CRIM1: variants seen among roughly 807,000 people sequenced by gnomAD.
The protein encoded by CRIM1 is cysteine-rich motor neuron 1 protein.
In CRIM1, 32 loss-of-function variants were observed where a neutral mutation model predicts 116.4. The ratio of observed to expected loss-of-function variants is 0.27; its 90% CI spans 0.21 to 0.37. CRIM1 has a LOEUF of 0.37. CRIM1 is among the 10% of genes least tolerant of loss of function. The probability of loss-of-function intolerance (pLI) is 1.00; values close to 1 mark genes in which losing one functional copy is unlikely to be tolerated. For missense variants in CRIM1, 1,331 were observed against 1,354.8 expected (o/e 0.98, Z 0.28); for synonymous variants, 590 against 509.2 (o/e 1.16, Z -2.13).
intron 8 of CRIM1, among the ~76,000 whole-genome samples, chr2:36,508,306 T>C (rs1026668092): frequency 3.3e-5 from 5 of 152,228 alleles, no homozygotes; most frequent in Admixed American, 6.5e-5. Context: ...AAATTAAATA[T>C]GCAAATATTG....
intron 2 of CRIM1, among the ~76,000 whole-genome samples, chr2:36,413,498 A>G (rs904878498): frequency 6.6e-5 from 10 of 152,192 alleles, no homozygotes; most frequent in Admixed American, 2.6e-4. Flanking sequence ...GCCAAAAGCA[A>G]TATGTTTCTT....
intron 13 of CRIM1, among the ~76,000 whole-genome samples, chr2:36,531,197 C>G (rs974244638): frequency 6.6e-6 from 1 of 152,198 alleles, no homozygotes; most frequent in African/African-American, 2.4e-5. Context: ...GCCTGACTTC[C>G]TCCCAGGAGG....
At chr2:36,516,098 C>G (rs1665014911) in intron 11 of CRIM1, among the ~76,000 whole-genome samples, 1 of 152,168 alleles carries the variant, frequency 6.6e-6, no homozygotes, top group Non-Finnish European at 1.5e-5. Context: ...TTGTAATTCC[C>G]TTGAGATAAA....
At chr2:36,428,481 C>T (rs1674627268) in intron 2 of CRIM1, among the ~76,000 whole-genome samples, 1 of 152,172 alleles carries the variant, frequency 6.6e-6, no homozygotes, top group African/African-American at 2.4e-5. Context: ...AAATTCTGAG[C>T]TATAGAATAC....
intron 2 of CRIM1, among the ~76,000 whole-genome samples, chr2:36,434,309 C>G (rs962883094): frequency 6.6e-6 from 1 of 152,226 alleles, no homozygotes; most frequent in African/African-American, 2.4e-5. Flanking sequence ...GCTAAAGACA[C>G]TGAACCTCTT....
At chr2:36,442,868 T>C (rs3732073) in intron 4 of CRIM1, 133 bp downstream of exon 4, 346,115 of 1,029,746 alleles carry the variant, frequency 0.34, 60,913 homozygotes, top group South Asian at 0.5. Context: ...ATCACTGAAC[T>C]GTTTGCATTA....
At chr2:36,389,299 G>T (rs891689393) in intron 1 of CRIM1, among the ~76,000 whole-genome samples, 35 of 152,038 alleles carry the variant, frequency 2.3e-4, no homozygotes, top group Admixed American at 2.0e-3. Context: ...ATTCCTCCTC[G>T]AGCAGAACGG....
In CRIM1 at chr2:36,526,180, A is replaced by G. The variant is rs190173112; in HGVS notation, c.2428+3867A>G. 2.6e-3 allele frequency among the ~76,000 whole-genome samples: 391 copies of G among 150,944 alleles called. 5 individuals carry two copies. The highest frequency in any genetic ancestry group is 9.5e-3 in the African/African-American group (383 of 40,366). ...TTAATGGAACATCTTCTGATTCCCT[A>G]ATTTTTTTTTGTACTCTGGTTTTCT... is the stretch of plus-strand genomic sequence containing the variant. On this transcript the variant is annotated intron_variant, in intron 13 of 16. Transcript: ENST00000280527.
At chr2:36,482,480 T>C (rs1679495941) in intron 7 of CRIM1, among the ~76,000 whole-genome samples, 1 of 152,224 alleles carries the variant, frequency 6.6e-6, no homozygotes, top group Admixed American at 6.5e-5. Flanking sequence ...AGAAAGTCTC[T>C]GGGATCATTT....
At chr2:36,460,972 G>A (rs1677536522) in intron 4 of CRIM1, among the ~76,000 whole-genome samples, 1 of 152,172 alleles carries the variant, frequency 6.6e-6, no homozygotes, top group Non-Finnish European at 1.5e-5. Context: ...GCAAAGTGCG[G>A]ACTTATTTGG....
intron 1 of CRIM1, among the ~76,000 whole-genome samples, chr2:36,372,329 C>T (rs187324046): frequency 6.5e-4 from 99 of 152,264 alleles, no homozygotes; most frequent in African/African-American, 2.3e-3. Flanking sequence ...TGATTAGTGG[C>T]TGGAGCCCCA....
At chr2:36,481,189 A>C (rs969270038) in intron 7 of CRIM1, among the ~76,000 whole-genome samples, 3 of 152,252 alleles carry the variant, frequency 2.0e-5, no homozygotes, top group African/African-American at 7.2e-5. Flanking sequence ...CTGGAAGTAA[A>C]TGAAAGGAAG....
intron 2 of CRIM1, among the ~76,000 whole-genome samples, chr2:36,430,658 C>A (rs959055209): frequency 3.9e-5 from 6 of 152,070 alleles, no homozygotes; most frequent in African/African-American, 1.4e-4. Flanking sequence ...TTGCTGGAGC[C>A]GAAGGAATGG....
At chr2:36,450,753 A>G (rs377538298) in intron 4 of CRIM1, among the ~76,000 whole-genome samples, 12 of 152,338 alleles carry the variant, frequency 7.9e-5, no homozygotes, top group South Asian at 2.1e-4. Context: ...AAGGTCATCA[A>G]TGTCGTTTGC....
At chr2:36,498,689 A>G (rs904293219) in intron 7 of CRIM1, among the ~76,000 whole-genome samples, 1 of 152,142 alleles carries the variant, frequency 6.6e-6, no homozygotes, top group Admixed American at 6.5e-5. Context: ...ATCATCTACC[A>G]TAAGTGAGGG....
chr2:36,431,311 A>C (rs1441543685), intron 2 of CRIM1, among the ~76,000 whole-genome samples: 1 of 152,220 alleles, frequency 6.6e-6, no homozygotes, highest in African/African-American at 2.4e-5. Context: ...CATAATATGA[A>C]AAAGTATATA....
Position 36,442,729 on chromosome 2 carries a change from C to T in CRIM1, c.863C>T (p.Pro288Leu), listed in dbSNP as rs1009466683. The T allele has an allele frequency of 2.5e-6, 4 of 1,614,102 alleles. No individual in the cohort carries two copies. ...RLTADGCCTL[P>L]TRCECLSGLC... is the part of the protein sequence containing the mutation. The stretch of plus-strand genomic sequence containing the variant: ...ACTGCAGATGGTTGCTGTACTTTGC[C>T]AACAAGGTTAGTTTGCCATTAGTTT... Residue 288 changes from proline (P) to leucine (L), a missense_variant, in exon 4 of 17, where the codon CCA (proline) becomes CTA (leucine). Pro to Leu is a moderately conservative substitution (Grantham distance 98). Coordinates refer to ENST00000280527, the MANE Select transcript of CRIM1 (RefSeq NM_016441.3).
rs746702373 is a variant in CRIM1, at chr2:36,441,480, A to T, written c.728A>T (p.Asp243Val). 6 of 1,611,714 alleles carry T rather than the reference A, an allele frequency of 3.7e-6. No homozygotes were observed. In the Admixed American group the frequency reaches 1.0e-4, roughly 27 times the overall value. The change falls in exon 3 of 17, where the codon GAC becomes GTC. Residue 243 changes from aspartate to valine, a missense_variant. By Grantham distance (152) the Asp-to-Val change is radical. Coordinates refer to ENST00000280527, the MANE Select transcript of CRIM1 (RefSeq NM_016441.3). ...KASGKPGECCDLYECKPVFGV... is the reference protein window; with the variant it reads ...KASGKPGECCVLYECKPVFGV... Reference sequence around the variant, plus strand: ...TCAGGGAAGCCGGGAGAGTGCTGTGACCTCTATGAGTGCAAACCAGGTATG... The same window carrying T: ...TCAGGGAAGCCGGGAGAGTGCTGTGTCCTCTATGAGTGCAAACCAGGTATG...
intron 2 of CRIM1, among the ~76,000 whole-genome samples, chr2:36,424,019 G>A (rs1057167047): frequency 1.3e-5 from 2 of 152,144 alleles, no homozygotes; most frequent in African/African-American, 4.8e-5. Flanking sequence ...TTTAAGAATA[G>A]TAGAAGGTGT....
Sources: allele counts gnomAD v4.1 joint callset (sites outside exome capture counted in the v4.1 genomes callset), GRCh38; gene constraint gnomAD v4.1.1; transcripts MANE v1.5; gene names NCBI Gene and HGNC (gene_info 2026-07-23, HGNC 2026-07-21).